FHIT: variants seen among roughly 807,000 people sequenced by gnomAD.
FHIT encodes fragile histidine triad diadenosine triphosphatase.
In FHIT, 19 loss-of-function variants were observed where a neutral mutation model predicts 17.9. The observed-to-expected ratio is 1.06, with a 90% CI of 0.74 to 1.56. The LOEUF (loss-of-function observed/expected upper bound fraction) is 1.56. Ranked by LOEUF, FHIT falls within the 40% of genes most tolerant of loss-of-function variation. The pLI, the probability that FHIT is intolerant of heterozygous loss-of-function variation, is 0.00. For synonymous variants in FHIT, 81 were observed against 69.7 expected (o/e 1.16, Z -0.81); for missense variants, 248 against 189.2 (o/e 1.31, Z -1.82).
At chr3:60,700,046 G>A (rs1019252505) in intron 4 of FHIT, among the ~76,000 whole-genome samples, 2 of 150,404 alleles carry the variant, frequency 1.3e-5, no homozygotes, top group South Asian at 2.1e-4. Context: ...CAGGAGAATC[G>A]CTTGAACCCG....
chr3:60,913,258 T>A (rs1553766354), intron 3 of FHIT, among the ~76,000 whole-genome samples: 1 of 152,228 alleles, frequency 6.6e-6, no homozygotes, highest in East Asian at 1.9e-4. Context: ...TACAGATGAA[T>A]GAGCCAGTAC....
At chr3:60,618,037 G>T in intron 4 of FHIT, 1 of 151,532 alleles carries the variant, frequency 6.6e-6, no homozygotes, top group Non-Finnish European at 1.5e-5. Flanking sequence ...CTTCTACTCT[G>T]GAGTTAAAAA....
chr3:60,341,994 G>GA lies in FHIT; in HGVS notation c.103+194865dup, dbSNP rs1710540125. Among the ~76,000 whole-genome samples the GA allele has an allele frequency of 4.0e-5, 6 of 151,788 alleles. No individual in the cohort carries two copies. In the South Asian group the frequency reaches 1.2e-3, roughly 32 times the overall value. On this transcript the variant is annotated intron_variant, in intron 5 of 9. Transcript: ENST00000492590. ...GAATTGGAATTTATTGGGTGAAAAAGAAAAAAGAAAAAAAACTCTCAGCAA... is the reference window on the plus strand; with the variant it reads ...GAATTGGAATTTATTGGGTGAAAAAGAAAAAAAGAAAAAAAACTCTCAGCAA...
At chr3:60,780,770 G>A (rs577701554) in intron 4 of FHIT, among the ~76,000 whole-genome samples, 2 of 152,272 alleles carry the variant, frequency 1.3e-5, no homozygotes, top group Middle Eastern at 3.4e-3. Context: ...CTAGGTGGGA[G>A]GGGGTCCCCG....
chr3:60,993,744 A>T (rs954536422), intron 3 of FHIT, among the ~76,000 whole-genome samples: 3 of 152,256 alleles, frequency 2.0e-5, no homozygotes, highest in African/African-American at 7.2e-5. Flanking sequence ...ATTCATTCCA[A>T]AACTCTTTTT....
At chr3:60,608,597 G>T (rs541918487) in intron 4 of FHIT, among the ~76,000 whole-genome samples, 3 of 151,640 alleles carry the variant, frequency 2.0e-5, no homozygotes, top group East Asian at 3.9e-4. Flanking sequence ...TTCCCACCAG[G>T]AAAAAAAGGA....
At chr3:59,893,229 C>A (rs1703929835) in intron 8 of FHIT, among the ~76,000 whole-genome samples, 1 of 152,168 alleles carries the variant, frequency 6.6e-6, no homozygotes, top group Non-Finnish European at 1.5e-5. Context: ...TCATTAGTAG[C>A]ACAGAGAACC....
intron 3 of FHIT, among the ~76,000 whole-genome samples, chr3:61,017,995 C>A (rs2032208089): frequency 6.6e-6 from 1 of 152,158 alleles, no homozygotes; most frequent in African/African-American, 2.4e-5. Context: ...AAAAATAGGA[C>A]TTGAGGTCTA....
At chr3:60,105,150 G>A (rs757320280) in intron 5 of FHIT, among the ~76,000 whole-genome samples, 13 of 151,968 alleles carry the variant, frequency 8.6e-5, no homozygotes, top group Non-Finnish European at 1.3e-4. Context: ...TTATTGTTTG[G>A]ATACAAAACT....
intron 8 of FHIT, among the ~76,000 whole-genome samples, chr3:59,887,200 G>A (rs767753761): frequency 1.3e-5 from 2 of 152,072 alleles, no homozygotes; most frequent in African/African-American, 2.4e-5. Flanking sequence ...ACATAGCCTC[G>A]CAGATCCCCC....
At chr3:60,322,637 T>C (rs1709485625) in intron 5 of FHIT, among the ~76,000 whole-genome samples, 1 of 152,190 alleles carries the variant, frequency 6.6e-6, no homozygotes, top group Non-Finnish European at 1.5e-5. Flanking sequence ...CCAGAATGTC[T>C]CCAGCCACCT....
At chr3:60,393,881 G>T (rs928789635) in intron 5 of FHIT, among the ~76,000 whole-genome samples, 7 of 152,136 alleles carry the variant, frequency 4.6e-5, no homozygotes, top group Admixed American at 4.6e-4. Flanking sequence ...GCTCCTGTGG[G>T]CCTCTGCATT....
chr3:61,244,444 T>C (rs1455784514), intron 1 of FHIT, among the ~76,000 whole-genome samples: 1 of 152,216 alleles, frequency 6.6e-6, no homozygotes, highest in African/African-American at 2.4e-5. Context: ...AAGACTCAAT[T>C]GCATGGGATG....
intron 5 of FHIT, among the ~76,000 whole-genome samples, chr3:60,256,762 A>T (rs141169317): frequency 6.6e-6 from 1 of 152,294 alleles, no homozygotes; most frequent in African/African-American, 2.4e-5. Flanking sequence ...TTTCAGTATG[A>T]TTGGTCAGGT....
rs150136545 is a variant in FHIT, at chr3:60,998,887, G to A, written c.-111+43160C>T. Among the ~76,000 whole-genome samples, 66 of 150,770 alleles carry A rather than the reference G, an allele frequency of 4.4e-4. No homozygotes were observed. The East Asian group carries it at 9.8e-3, about 22-fold the overall frequency. On this transcript the variant is annotated intron_variant, in intron 3 of 9. Coordinates refer to ENST00000492590, the MANE Select transcript of FHIT (RefSeq NM_002012.4). ...CATGGTTCACCATAATTCAGGTAGC[G>A]AAGTCTAAATGAACAAGCAGAGGGC...
intron 4 of FHIT, among the ~76,000 whole-genome samples, chr3:60,797,248 C>T (rs1337483278): frequency 2.0e-5 from 3 of 152,118 alleles, no homozygotes; most frequent in Non-Finnish European, 4.4e-5. Context: ...TTCTACACCT[C>T]TCTTGCCCAC....
rs1328639567 is a variant in FHIT at position 60,505,515 on chromosome 3, AT to A, written c.103+31344del. ...CATCTTATGACAAAGTTACAGAAATATTTTTAAGCCGTTTGTAACTAATACA... is the reference window on the plus strand; with the variant it reads ...CATCTTATGACAAAGTTACAGAAATATTTTAAGCCGTTTGTAACTAATACA... On this transcript the variant is annotated intron_variant, in intron 5 of 9. Transcript: ENST00000492590. Among the ~76,000 whole-genome samples, 3 of 152,178 alleles carry A rather than the reference AT, an allele frequency of 2.0e-5. No homozygotes were observed. The East Asian group carries it at 5.8e-4, about 29-fold the overall frequency.
chr3:60,410,259 C>T (rs904385622), intron 5 of FHIT, among the ~76,000 whole-genome samples: 1 of 151,996 alleles, frequency 6.6e-6, no homozygotes, highest in African/African-American at 2.4e-5. Flanking sequence ...AGCAAGTTAT[C>T]CAGATGGTAC....
chr3:60,289,560 A>G (rs966285737), intron 5 of FHIT, among the ~76,000 whole-genome samples: 4 of 152,192 alleles, frequency 2.6e-5, no homozygotes, highest in African/African-American at 9.6e-5. Context: ...AGCAATCCCT[A>G]GGACTTTGGC....
Sources: allele counts gnomAD v4.1 joint callset (sites outside exome capture counted in the v4.1 genomes callset), GRCh38; gene constraint gnomAD v4.1.1; transcripts MANE v1.5; gene names NCBI Gene and HGNC (gene_info 2026-07-23, HGNC 2026-07-21).